The following CDH12 variants were observed in gnomAD, a reference collection of about 807,000 sequenced individuals.
CDH12 encodes cadherin 12, also known as cadherin-12.
In CDH12, 41 loss-of-function variants were observed where a neutral mutation model predicts 74.1. That is an observed-to-expected ratio of 0.55 (90% CI 0.43 to 0.72). The LOEUF is 0.72. Ranked by LOEUF, CDH12 falls within the 30% of genes least tolerant of loss-of-function variation. The pLI is 0.00. For synonymous variants in CDH12, 399 were observed against 355.0 expected, an observed-to-expected ratio of 1.12 and a Z score of -1.39; for missense variants, 945 against 977.2, an observed-to-expected ratio of 0.97 and a Z score of 0.44.
At chr5:22,153,903 T>TACACACACACACAC (rs773341844) in intron 4 of CDH12, among the ~76,000 whole-genome samples, 2 of 111,144 alleles carry the variant, frequency 1.8e-5, no homozygotes, top group Non-Finnish European at 3.7e-5. Context: ...TATATATATA[T>TACACACACACACAC]ACACACACAT....
intron 5 of CDH12, among the ~76,000 whole-genome samples, chr5:22,057,364 C>T (rs543064821): frequency 6.6e-6 from 1 of 152,150 alleles, no homozygotes; most frequent in South Asian, 2.1e-4. Context: ...ACCTGGAATT[C>T]CCTGATCCTG....
chr5:22,737,722 A>G (rs1744815201), intron 1 of CDH12, among the ~76,000 whole-genome samples: 1 of 152,132 alleles, frequency 6.6e-6, no homozygotes, highest in African/African-American at 2.4e-5. Context: ...GTCAAAATGT[A>G]ATAACTGTTC....
At chr5:22,783,620 A>G (rs1416114010) in intron 1 of CDH12, among the ~76,000 whole-genome samples, 1 of 152,158 alleles carries the variant, frequency 6.6e-6, no homozygotes, top group South Asian at 2.1e-4. Context: ...AAATGATTGT[A>G]ACATATGATG....
chr5:22,835,610 T>C (rs548725995), intron 1 of CDH12, among the ~76,000 whole-genome samples: 2 of 152,340 alleles, frequency 1.3e-5, no homozygotes, highest in South Asian at 4.1e-4. Flanking sequence ...AGAATTTTTC[T>C]ATGGTATTAT....
chr5:22,444,528 GT>G (rs1208535617), intron 2 of CDH12, among the ~76,000 whole-genome samples: 4 of 138,936 alleles, frequency 2.9e-5, no homozygotes, highest in Admixed American at 1.7e-4. Flanking sequence ...CTGTCACACA[GT>G]TTTTTAACAG....
At chr5:22,433,316 T>A (rs780096931) in intron 2 of CDH12, among the ~76,000 whole-genome samples, 1 of 152,190 alleles carries the variant, frequency 6.6e-6, no homozygotes, top group Non-Finnish European at 1.5e-5. Flanking sequence ...AACAATTGGC[T>A]GATTAACAGA....
At chr5:21,771,648 G>T (rs1745331533) in intron 11 of CDH12, among the ~76,000 whole-genome samples, 1 of 151,978 alleles carries the variant, frequency 6.6e-6, no homozygotes, top group African/African-American at 2.4e-5. Flanking sequence ...TAGGTAGAAG[G>T]CTTCAGAGAG....
intron 1 of CDH12, among the ~76,000 whole-genome samples, chr5:22,653,823 C>A (rs894036809): frequency 2.0e-5 from 3 of 152,258 alleles, no homozygotes; most frequent in African/African-American, 4.8e-5. Context: ...CTTATTGAAG[C>A]TTTTGGCCCA....
chr5:22,311,809 C>T (rs1269635354), intron 3 of CDH12, among the ~76,000 whole-genome samples: 2 of 151,986 alleles, frequency 1.3e-5, no homozygotes, highest in Non-Finnish European at 2.9e-5. Context: ...TCTCTCTGGG[C>T]CTGATAAATT....
intron 9 of CDH12, 41 bp downstream of exon 9, chr5:21,816,901 AATT>A (rs762268726): frequency 2.5e-6 from 3 of 1,192,218 alleles, no homozygotes; most frequent in Admixed American, 2.5e-5. Flanking sequence ...TATCTTCTTT[AATT>A]ATTATTTAGT....
chr5:22,191,180 C>A (rs1750253186), intron 4 of CDH12, among the ~76,000 whole-genome samples: 1 of 151,984 alleles, frequency 6.6e-6, no homozygotes, highest in African/African-American at 2.4e-5. Context: ...AACAGTCTTT[C>A]TTCCCTCTTC....
chr5:22,401,392 T>C (rs1580609836), intron 3 of CDH12, among the ~76,000 whole-genome samples: 1 of 152,212 alleles, frequency 6.6e-6, no homozygotes. Flanking sequence ...CTAATGTTTA[T>C]TTACCTAAAT....
At chr5:22,520,247 T>G (rs1308790829) in intron 1 of CDH12, among the ~76,000 whole-genome samples, 2 of 152,246 alleles carry the variant, frequency 1.3e-5, no homozygotes, top group Non-Finnish European at 2.9e-5. Context: ...ATATAAAAAT[T>G]TATTTTTATT....
At chr5:21,845,417 C>T (rs1479226848) in intron 7 of CDH12, among the ~76,000 whole-genome samples, 1 of 152,082 alleles carries the variant, frequency 6.6e-6, no homozygotes, top group African/African-American at 2.4e-5. Flanking sequence ...CATTTGAGTG[C>T]TTAGGCTCCA....
At chr5:22,464,652 C>A (rs1272006917) in intron 2 of CDH12, among the ~76,000 whole-genome samples, 1 of 152,086 alleles carries the variant, frequency 6.6e-6, no homozygotes, top group African/African-American at 2.4e-5. Context: ...GTGATTAATC[C>A]CCACATCCTG....
intron 2 of CDH12, among the ~76,000 whole-genome samples, chr5:22,472,946 G>T (rs574139218): frequency 2.8e-4 from 43 of 152,152 alleles, no homozygotes; most frequent in African/African-American, 1.0e-3. Context: ...ATTTTACAAG[G>T]ATCTGTGGAA....
At chr5:22,359,631 T>G (rs1307714306) in intron 3 of CDH12, among the ~76,000 whole-genome samples, 1 of 152,198 alleles carries the variant, frequency 6.6e-6, no homozygotes, top group Non-Finnish European at 1.5e-5. Context: ...ATAAACATTC[T>G]TCTCAGCACC....
At chr5:21,825,275 G>A (rs1748607327) in intron 8 of CDH12, among the ~76,000 whole-genome samples, 1 of 152,020 alleles carries the variant, frequency 6.6e-6, no homozygotes, top group Non-Finnish European at 1.5e-5. Flanking sequence ...ACTCTGCTAT[G>A]TAGTATCTAT....
chr5:21,933,928 G>A (rs751545216), intron 6 of CDH12, among the ~76,000 whole-genome samples: 41 of 152,288 alleles, frequency 2.7e-4, no homozygotes, highest in Non-Finnish European at 4.6e-4. Flanking sequence ...CAGAAAGCAC[G>A]AAGCAGTCAC....
Sources: allele counts gnomAD v4.1 joint callset (sites outside exome capture counted in the v4.1 genomes callset), GRCh38; gene constraint gnomAD v4.1.1; transcripts MANE v1.5; gene names NCBI Gene and HGNC (gene_info 2026-07-23, HGNC 2026-07-21).